The following DYM variants were observed in gnomAD, a reference collection of about 807,000 sequenced individuals.
DYM encodes the protein dymeclin, also known as dyggve-Melchior-Clausen syndrome protein.
In DYM, 78 loss-of-function variants were observed where a neutral mutation model predicts 93.1. The ratio of observed to expected loss-of-function variants is 0.84; its 90% CI spans 0.70 to 1.01. DYM has a LOEUF of 1.01. Among genes scored for constraint, DYM ranks in the 50% least tolerant of loss-of-function variants. The probability of loss-of-function intolerance (pLI) is 0.00; values close to 1 mark genes in which losing one functional copy is unlikely to be tolerated. For missense variants in DYM, 789 were observed against 845.0 expected (o/e 0.93, Z 0.82); for synonymous variants, 321 against 319.7 (o/e 1.00, Z -0.04).
chr18:49,449,285 T>C (rs2148681325), intron 1 of DYM, among the ~76,000 whole-genome samples: 1 of 152,310 alleles, frequency 6.6e-6, no homozygotes, highest in Admixed American at 6.5e-5. Flanking sequence ...AAACCCTAAT[T>C]ACAGCTGAAG....
intron 1 of DYM, among the ~76,000 whole-genome samples, chr18:49,448,849 A>C (rs1004823581): frequency 3.3e-5 from 5 of 152,214 alleles, no homozygotes; most frequent in African/African-American, 1.2e-4. Context: ...TGGCCTTTTT[A>C]CTAGACCTTT....
intron 14 of DYM, among the ~76,000 whole-genome samples, chr18:49,175,642 G>C (rs1828147914): frequency 2.6e-5 from 4 of 152,142 alleles, no homozygotes; most frequent in Admixed American, 2.6e-4. Flanking sequence ...CCACCAGCTT[G>C]CTGACTGTCA....
intron 13 of DYM, among the ~76,000 whole-genome samples, chr18:49,253,606 C>G (rs1299648580): frequency 6.6e-6 from 1 of 152,218 alleles, no homozygotes; most frequent in African/African-American, 2.4e-5. Context: ...GCACTTCCAA[C>G]AAGCTCCCTC....
intron 14 of DYM, among the ~76,000 whole-genome samples, chr18:49,201,297 T>G (rs902016275): frequency 2.0e-5 from 3 of 152,214 alleles, no homozygotes; most frequent in Non-Finnish European, 2.9e-5. Context: ...TTATGTTCTC[T>G]CAATATCATA....
At chr18:49,445,638 A>G (rs1346218879) in intron 1 of DYM, among the ~76,000 whole-genome samples, 4 of 152,158 alleles carry the variant, frequency 2.6e-5, no homozygotes, top group Admixed American at 6.6e-5. Context: ...AAAATGGGGG[A>G]TGTTACACTG....
At chr18:49,266,588 G>A (rs953625700) in intron 11 of DYM, among the ~76,000 whole-genome samples, 1 of 152,182 alleles carries the variant, frequency 6.6e-6, no homozygotes, top group Non-Finnish European at 1.5e-5. Flanking sequence ...TCCAGCATGG[G>A]TGGCAAGAGT....
intron 6 of DYM, among the ~76,000 whole-genome samples, chr18:49,352,330 T>C (rs1328825670): frequency 6.6e-6 from 1 of 152,190 alleles, no homozygotes; most frequent in African/African-American, 2.4e-5. Context: ...AATCAATTAA[T>C]TGTAGAAGTT....
intron 17 of DYM, among the ~76,000 whole-genome samples, chr18:49,061,148 T>C (rs1432903919): frequency 1.3e-5 from 2 of 150,708 alleles, no homozygotes; most frequent in Non-Finnish European, 3.0e-5. Flanking sequence ...TGTACAAAAA[T>C]AACTATCAGA....
chr18:49,176,137 G>A (rs571870048), intron 14 of DYM, among the ~76,000 whole-genome samples: 1 of 152,008 alleles, frequency 6.6e-6, no homozygotes, highest in Non-Finnish European at 1.5e-5. Context: ...CCTAGCTAAG[G>A]TAACTAAAGT....
rs987310657 is a variant in DYM, at chr18:49,187,064, C to T, written c.1625+22487G>A. ...CCGTCCGAGTAGCTGGGACTATAGGCGCCTGCCACCACACCCAGCTAATTT... is the reference window on the plus strand; with the variant it reads ...CCGTCCGAGTAGCTGGGACTATAGGTGCCTGCCACCACACCCAGCTAATTT... On this transcript the variant is annotated intron_variant, in intron 14 of 17. Transcript: ENST00000675505. 7.2e-5 allele frequency among the ~76,000 whole-genome samples: 11 copies of T among 151,794 alleles called. No homozygotes were observed. The East Asian group carries it at 1.2e-3, about 16-fold the overall frequency.
At chr18:49,308,839 A>G (rs1294764895) in intron 8 of DYM, among the ~76,000 whole-genome samples, 1 of 152,050 alleles carries the variant, frequency 6.6e-6, no homozygotes, top group African/African-American at 2.4e-5. Flanking sequence ...CTGAGGTTCT[A>G]CTGCAGTGTA....
chr18:49,302,454 A>C (rs752461298), intron 8 of DYM, among the ~76,000 whole-genome samples: 1 of 152,252 alleles, frequency 6.6e-6, no homozygotes, highest in Non-Finnish European at 1.5e-5. Flanking sequence ...GAAAAATGTC[A>C]ATCTGTAGAT....
At chr18:49,172,292 G>A (rs2088842519) in intron 14 of DYM, among the ~76,000 whole-genome samples, 1 of 152,140 alleles carries the variant, frequency 6.6e-6, no homozygotes, top group Non-Finnish European at 1.5e-5. Context: ...CTATTAAGAA[G>A]GCTGCTGTAA....
intron 14 of DYM, among the ~76,000 whole-genome samples, chr18:49,184,540 T>C (rs1253804488): frequency 2.0e-5 from 3 of 152,158 alleles, no homozygotes; most frequent in Non-Finnish European, 4.4e-5. Flanking sequence ...AGACCCCCAG[T>C]GGATTCCCAA....
At chr18:49,154,585 C>T (rs147050466) in intron 15 of DYM, among the ~76,000 whole-genome samples, 1,982 of 152,006 alleles carry the variant, frequency 0.013, 25 homozygotes, top group Non-Finnish European at 0.019. Flanking sequence ...AGTAGAGACA[C>T]GGTTTCACCA....
intron 17 of DYM, among the ~76,000 whole-genome samples, chr18:49,090,055 A>G (rs2078904145): frequency 6.6e-6 from 1 of 152,160 alleles, no homozygotes. Context: ...CATAACATAA[A>G]ATTTCTCATA....
chr18:49,453,395 T>C (rs1418166260), intron 1 of DYM, among the ~76,000 whole-genome samples: 4 of 152,126 alleles, frequency 2.6e-5, no homozygotes, highest in Non-Finnish European at 5.9e-5. Flanking sequence ...ATAAATCTTG[T>C]TGCTGCTCAC....
At chr18:49,423,775 G>A (rs999214760) in intron 2 of DYM, among the ~76,000 whole-genome samples, 1 of 152,154 alleles carries the variant, frequency 6.6e-6, no homozygotes, top group Non-Finnish European at 1.5e-5. Flanking sequence ...ACACCTCTAT[G>A]CAAATAAACT....
chr18:49,094,338 T>A (rs1029122053), intron 17 of DYM, among the ~76,000 whole-genome samples: 6 of 152,316 alleles, frequency 3.9e-5, no homozygotes, highest in Admixed American at 3.9e-4. Context: ...CTGTTGTGGA[T>A]ACAGACAGTG....
Sources: gnomAD v4.1 joint callset for allele counts (sites outside exome capture counted in the v4.1 genomes callset) on GRCh38, gnomAD v4.1.1 for gene constraint, MANE v1.5 for transcripts, NCBI Gene and HGNC (gene_info 2026-07-23, HGNC 2026-07-21) for gene names.